The following TMEM156 variants were observed in gnomAD, a reference collection of about 807,000 sequenced individuals.
TMEM156 encodes the protein transmembrane protein 156.
In TMEM156, 28 loss-of-function variants were observed where a neutral mutation model predicts 30.5. The ratio of observed to expected loss-of-function variants is 0.92; its 90% CI spans 0.68 to 1.26. The LOEUF (loss-of-function observed/expected upper bound fraction) is 1.26, where lower values mean the gene tolerates loss of function less well. TMEM156 is among the 50% of genes most tolerant of loss of function. TMEM156 has a pLI of 0.00. For missense variants in TMEM156, 351 were observed against 340.6 expected (o/e 1.03, Z -0.24); for synonymous variants, 137 against 119.9 (o/e 1.14, Z -0.93).
At chr4:38,992,023 G>A (rs1457418140) in intron 3 of TMEM156, among the ~76,000 whole-genome samples, 1 of 152,126 alleles carries the variant, frequency 6.6e-6, no homozygotes, top group African/African-American at 2.4e-5. Flanking sequence ...TTAGTCACAG[G>A]AGAAATTTCT....
At chr4:39,023,634 G>C (rs1429492541) in intron 1 of TMEM156, among the ~76,000 whole-genome samples, 3 of 152,136 alleles carry the variant, frequency 2.0e-5, no homozygotes, top group Non-Finnish European at 4.4e-5. Flanking sequence ...CTTGAGGTCA[G>C]GAGTTCAAGA....
In TMEM156 at chr4:38,988,927, T is replaced by C. The variant is rs561206960; in HGVS notation, c.663A>G (p.Leu221=). ...SMKITWYILV[L]LVFIFLIILT... ...GGATGATCAAAAATATAAAAACTAA[T>C]AGAACTAAAATATACCAAGTGATCT... Residue 221 remains leucine, a synonymous_variant, in exon 4 of 7, where the codon CTA becomes CTG. Coordinates refer to ENST00000381938, the MANE Select transcript of TMEM156 (RefSeq NM_024943.3). The C allele has an allele frequency of 6.2e-7, 1 of 1,613,052 alleles. No homozygotes were observed. Among genetic ancestry groups the C allele is most frequent in the Non-Finnish European group, 8.5e-7 (1 of 1,179,160 alleles).
chr4:39,007,088 G>A (rs1713791586), intron 1 of TMEM156, among the ~76,000 whole-genome samples: 1 of 152,212 alleles, frequency 6.6e-6, no homozygotes, highest in Non-Finnish European at 1.5e-5. Context: ...TGACACCTCT[G>A]TCATATAAAG....
chr4:39,025,675 T>C (rs1443405790), intron 1 of TMEM156, among the ~76,000 whole-genome samples: 1 of 152,242 alleles, frequency 6.6e-6, no homozygotes, highest in African/African-American at 2.4e-5. Context: ...CATAGGAGAC[T>C]GCTCATTTTA....
At chr4:38,977,937 T>A (rs6857207) in intron 5 of TMEM156, among the ~76,000 whole-genome samples, 139,958 of 152,318 alleles carry the variant, frequency 0.92, 64,344 homozygotes, top group East Asian at 0.97. Flanking sequence ...TTCTTTTAGA[T>A]AAAGATTTCT....
In TMEM156 at chr4:38,992,243, G is replaced by A. The variant is rs568227005; in HGVS notation, c.619+1495C>T. ...GTGGCACTGGAAGGCACTTGCTGGT[G>A]TAGGTGAGGGGTCGCCCTCTTTCAG... On this transcript the variant is annotated intron_variant, in intron 3 of 6. Transcript: ENST00000381938. Among the ~76,000 whole-genome samples the A allele has an allele frequency of 3.9e-5, 6 of 152,178 alleles. No individual in the cohort carries two copies. In the East Asian group the frequency reaches 5.8e-4, roughly 15 times the overall value.
At chr4:39,013,187 G>C (rs576630254) in intron 1 of TMEM156, among the ~76,000 whole-genome samples, 26 of 151,448 alleles carry the variant, frequency 1.7e-4, no homozygotes, top group African/African-American at 6.3e-4. Flanking sequence ...TGTAGTCCCA[G>C]CTACTCGGGA....
At chr4:39,020,377 A>G (rs774749573) in intron 1 of TMEM156, among the ~76,000 whole-genome samples, 1 of 152,016 alleles carries the variant, frequency 6.6e-6, no homozygotes, top group Non-Finnish European at 1.5e-5. Flanking sequence ...TATAACCAGG[A>G]GTGGGATTGC....
chr4:38,984,785 G>T (rs1211082001), intron 5 of TMEM156, among the ~76,000 whole-genome samples: 2 of 151,482 alleles, frequency 1.3e-5, no homozygotes, highest in African/African-American at 2.4e-5. Context: ...TTTTAAAAAG[G>T]CCATCACCCC....
At chr4:38,993,160 T>A (rs1712664354) in intron 3 of TMEM156, among the ~76,000 whole-genome samples, 2 of 152,180 alleles carry the variant, frequency 1.3e-5, no homozygotes, top group African/African-American at 4.8e-5. Flanking sequence ...TATTCTGTGG[T>A]GGCTCATACC....
At chr4:38,992,372 T>C (rs1356019896) in intron 3 of TMEM156, among the ~76,000 whole-genome samples, 2 of 152,064 alleles carry the variant, frequency 1.3e-5, no homozygotes, top group Non-Finnish European at 2.9e-5. Context: ...TCTCCAGGAA[T>C]AGATTTTTTG....
At chr4:38,997,646 G>T (rs75831172) in intron 2 of TMEM156, among the ~76,000 whole-genome samples, 5,799 of 152,254 alleles carry the variant, frequency 0.038, 145 homozygotes, top group Middle Eastern at 0.058. Flanking sequence ...TTTTATGATT[G>T]TAAAGGAATT....
chr4:38,986,449 G>T lies in TMEM156; in HGVS notation c.740-30C>A, dbSNP rs746828056. The T allele has an allele frequency of 5.3e-6, 8 of 1,502,408 alleles. No homozygotes were observed. In the Admixed American group the frequency reaches 1.3e-4, roughly 25 times the overall value. 93.1% of individuals were successfully genotyped at this position (1,502,408 alleles called of 1,614,324 possible). Reference sequence around the variant, plus strand: ...TCCCAGAAAAGAAATGAAGTATTTAGATGATAAACAAGCGCATTGTTAACA... The same window carrying T: ...TCCCAGAAAAGAAATGAAGTATTTATATGATAAACAAGCGCATTGTTAACA... On this transcript the variant is annotated intron_variant, in intron 4 of 6. Coordinates refer to ENST00000381938, the MANE Select transcript of TMEM156 (RefSeq NM_024943.3).
chr4:38,996,052 C>T (rs1712902584), intron 2 of TMEM156, among the ~76,000 whole-genome samples: 1 of 152,080 alleles, frequency 6.6e-6, no homozygotes, highest in Non-Finnish European at 1.5e-5. Flanking sequence ...ATATCCAAAA[C>T]ACATCAGGAA....
intron 1 of TMEM156, among the ~76,000 whole-genome samples, chr4:39,000,065 T>C (rs113343215): frequency 9.1e-4 from 138 of 152,250 alleles, no homozygotes; most frequent in African/African-American, 3.0e-3. Flanking sequence ...GAAATTATGG[T>C]ATAATAGAAA....
At chr4:39,016,371 T>TAAAAAA (rs71192812) in intron 1 of TMEM156, among the ~76,000 whole-genome samples, 1 of 133,016 alleles carries the variant, frequency 7.5e-6, no homozygotes. Flanking sequence ...AGACTCTGCC[T>TAAAAAA]AAAAAAAAAA....
At chr4:38,996,830 C>A (rs1212255786) in intron 2 of TMEM156, among the ~76,000 whole-genome samples, 1 of 151,816 alleles carries the variant, frequency 6.6e-6, no homozygotes, top group African/African-American at 2.4e-5. Flanking sequence ...TTCACAACAG[C>A]CAAGAATAGA....
At chr4:39,005,733 T>A (rs1186370664) in intron 1 of TMEM156, among the ~76,000 whole-genome samples, 1 of 152,110 alleles carries the variant, frequency 6.6e-6, no homozygotes, top group African/African-American at 2.4e-5. Context: ...GTCTGTGAAG[T>A]TGATGTTAAA....
intron 2 of TMEM156, among the ~76,000 whole-genome samples, chr4:38,997,292 G>A (rs1712998296): frequency 6.6e-6 from 1 of 152,164 alleles, no homozygotes; most frequent in Non-Finnish European, 1.5e-5. Context: ...GGGGCAGAGG[G>A]GTGAGGGTTG....
Sources: allele counts gnomAD v4.1 joint callset (sites outside exome capture counted in the v4.1 genomes callset), GRCh38; gene constraint gnomAD v4.1.1; transcripts MANE v1.5; gene names NCBI Gene and HGNC (gene_info 2026-07-23, HGNC 2026-07-21).